Variants in BCAS3 observed in about 807,000 individuals in gnomAD.
The protein encoded by BCAS3 is BCAS4/BCAS3 fusion.
BCAS3 carries 53 observed loss-of-function variants against 116.1 expected under a neutral mutation model. That is an observed-to-expected ratio of 0.46 (90% CI 0.37 to 0.57). The LOEUF is 0.57. BCAS3 is among the 20% of genes least tolerant of loss of function. The pLI is 0.00. For missense variants in BCAS3, 917 were observed against 1,165.4 expected (o/e 0.79, Z 3.10); for synonymous variants, 391 against 408.2 (o/e 0.96, Z 0.51).
At chr17:60,689,604 G>T in intron 3 of BCAS3, 82 bp from the exon 4 acceptor site, 1 of 1,012,192 alleles carries the variant, frequency 9.9e-7, no homozygotes, top group Non-Finnish European at 1.5e-6. Context: ...TATAGTGTTG[G>T]CTTTAAGTCA....
Position 61,204,391 on chromosome 17 carries a change from T to C in BCAS3, c.2425+119827T>C, listed in dbSNP as rs1220987202. Among the ~76,000 whole-genome samples the C allele has an allele frequency of 6.6e-6, 1 of 152,248 alleles. No individual in the cohort carries two copies. The highest frequency in any genetic ancestry group is 1.9e-4 in the East Asian group (1 of 5,194). Reference sequence around the variant, plus strand: ...CGGGACCTTTACATTTAGTTCACTATTTTTTGAAAATAATATTCTATGTTT... The same window carrying C: ...CGGGACCTTTACATTTAGTTCACTACTTTTTGAAAATAATATTCTATGTTT... On this transcript the variant is annotated intron_variant, in intron 22 of 23. Coordinates refer to ENST00000407086, the MANE Select transcript of BCAS3 (RefSeq NM_017679.5). This position sits in a 1 kb window ranked among gnomAD's most constrained non-coding sequence, Gnocchi z 4.2.
At chr17:60,682,363 G>T (rs1326671098) in intron 2 of BCAS3, among the ~76,000 whole-genome samples, 2 of 152,130 alleles carry the variant, frequency 1.3e-5, no homozygotes, top group East Asian at 1.9e-4. Flanking sequence ...AAAAAATGAG[G>T]TTGGAGAGGT....
At chr17:60,740,619 A>G (rs1489779692) in intron 5 of BCAS3, among the ~76,000 whole-genome samples, 1 of 152,052 alleles carries the variant, frequency 6.6e-6, no homozygotes, top group East Asian at 1.9e-4. Flanking sequence ...AAACCATTCT[A>G]CAGTCCTGTG....
At chr17:61,060,821 A>G (rs917023120) in intron 19 of BCAS3, among the ~76,000 whole-genome samples, 7 of 152,200 alleles carry the variant, frequency 4.6e-5, no homozygotes, top group Non-Finnish European at 1.0e-4. Flanking sequence ...TCTTCACTAT[A>G]CATCTGATTA....
chr17:61,211,999 A>G lies in BCAS3; in HGVS notation c.2425+127435A>G, dbSNP rs2081486856. Among the ~76,000 whole-genome samples, 1 of 152,236 alleles carries G rather than the reference A, an allele frequency of 6.6e-6. No individual in the cohort carries two copies. Among genetic ancestry groups the G allele is most frequent in the Non-Finnish European group, 1.5e-5 (1 of 68,034 alleles). On this transcript the variant is annotated intron_variant, in intron 22 of 23. Transcript: ENST00000407086. This position sits in a 1 kb window ranked among gnomAD's most constrained non-coding sequence, Gnocchi z 4.4. Reference sequence around the variant, plus strand: ...GTCTGAATATTTTGTAAGGATGTGAAGAGTTGCAAATAATCTTTTCTGTAA... The same window carrying G: ...GTCTGAATATTTTGTAAGGATGTGAGGAGTTGCAAATAATCTTTTCTGTAA...
At chr17:60,851,904 C>CT (rs754839642) in intron 7 of BCAS3, among the ~76,000 whole-genome samples, 6 of 151,824 alleles carry the variant, frequency 4.0e-5, no homozygotes, top group Admixed American at 2.0e-4. Flanking sequence ...AGTGTAAATG[C>CT]TTTTTTTTAA....
chr17:61,296,216 A>G (rs1026418981), intron 22 of BCAS3, among the ~76,000 whole-genome samples: 1 of 152,204 alleles, frequency 6.6e-6, no homozygotes, highest in Non-Finnish European at 1.5e-5. Context: ...CAGGTTAAAC[A>G]GGCTTTACCC....
intron 16 of BCAS3, chr17:61,027,441 C>T (rs1012775607): frequency 4.6e-6 from 2 of 430,932 alleles, no homozygotes; most frequent in Non-Finnish European, 9.2e-6. Context: ...ATAAAACCTC[C>T]TAAATAATTT....
At chr17:61,260,189 T>C (rs2049081779) in intron 22 of BCAS3, among the ~76,000 whole-genome samples, 1 of 152,238 alleles carries the variant, frequency 6.6e-6, no homozygotes. Flanking sequence ...CTGAAATCAC[T>C]GTGGTATTTC....
At position 61,286,660 on chromosome 17, in the gene BCAS3, G is replaced by A. The variant is rs1217979357; in HGVS notation, c.2426-81667G>A. On this transcript the variant is annotated intron_variant, in intron 22 of 23. Coordinates refer to ENST00000407086, the MANE Select transcript of BCAS3 (RefSeq NM_017679.5). This position sits in a 1 kb window ranked among gnomAD's most constrained non-coding sequence, Gnocchi z 4.8. ...CTAAGTTAAATACTCGCTTTACACC[G>A]TTGTGAAGGCAGCTCCCAGGGCAGC... Among the ~76,000 whole-genome samples, 1 of 152,256 alleles carries A rather than the reference G, an allele frequency of 6.6e-6. No individual in the cohort carries two copies. Among genetic ancestry groups the A allele is most frequent in the East Asian group, 1.9e-4 (1 of 5,192 alleles).
At position 61,364,552 on chromosome 17, in the gene BCAS3, C is replaced by CA. The variant is rs536459489; in HGVS notation, c.2426-3769dup. Among the ~76,000 whole-genome samples the CA allele has an allele frequency of 1.3e-5, 2 of 152,046 alleles. No individual in the cohort carries two copies. The highest frequency in any genetic ancestry group is 2.9e-5 in the Non-Finnish European group (2 of 67,996). On this transcript the variant is annotated intron_variant, in intron 22 of 23. Transcript: ENST00000407086. The surrounding 1 kb of genome is among the most constrained non-coding windows in gnomAD (Gnocchi z 5.4). ...GCAACATGGTGAAACCCCATCTTGA[C>CA]AAAAAATTAGCTGGGCATGGTGGTG...
chr17:61,078,483 C>T lies in BCAS3; in HGVS notation c.2281C>T (p.Pro761Ser). ...QSHGPSDTPQ[P>S]LLDFDTDDLD... ...TCATGGTCCGAGTGACACGCCACAG[C>T]CTCTTTTGGATTTTGATACAGATGA... Residue 761 changes from proline to serine, a missense_variant, in exon 21 of 24, where the codon CCT (proline) becomes TCT (serine). Physicochemically the swap from Pro to Ser is moderately conservative, Grantham distance 74. This residue lies in a region of BCAS3 where 807 missense variants were observed against 1,026.0 expected (regional missense o/e 0.79). Coordinates refer to ENST00000407086, the MANE Select transcript of BCAS3 (RefSeq NM_017679.5). 6.2e-7 allele frequency: 1 copy of T among 1,614,136 alleles called. No homozygotes were observed. Among genetic ancestry groups the T allele is most frequent in the South Asian group, 1.1e-5 (1 of 91,080 alleles).
chr17:60,821,328 T>TCATA (rs113139051), intron 7 of BCAS3, among the ~76,000 whole-genome samples: 13 of 151,684 alleles, frequency 8.6e-5, no homozygotes, highest in South Asian at 4.2e-4. Flanking sequence ...GTGTGTGAGG[T>TCATA]CATACATACA....
At chr17:60,796,810 A>G (rs568686818) in intron 6 of BCAS3, among the ~76,000 whole-genome samples, 1 of 152,018 alleles carries the variant, frequency 6.6e-6, no homozygotes, top group Admixed American at 6.5e-5. Context: ...TTAGAATGTC[A>G]GTTTGTGCTC....
At chr17:60,913,541 A>G (rs1173479952) in intron 12 of BCAS3, among the ~76,000 whole-genome samples, 1 of 152,138 alleles carries the variant, frequency 6.6e-6, no homozygotes, top group African/African-American at 2.4e-5. Context: ...TTTTTAGATT[A>G]TGCTGGATTG....
chr17:61,236,840 G>A (rs1325242080), intron 22 of BCAS3, among the ~76,000 whole-genome samples: 1 of 152,022 alleles, frequency 6.6e-6, no homozygotes, highest in Non-Finnish European at 1.5e-5. Context: ...ATCTTTAAAT[G>A]TGGCTCTAAA....
intron 23 of BCAS3, among the ~76,000 whole-genome samples, chr17:61,375,127 G>C (rs537798921): frequency 2.6e-5 from 4 of 152,188 alleles, no homozygotes; most frequent in African/African-American, 7.2e-5. Flanking sequence ...ACATTAGGCA[G>C]TTTTTAAGTG....
At chr17:60,870,099 A>C (rs1383971541) in intron 8 of BCAS3, among the ~76,000 whole-genome samples, 1 of 152,216 alleles carries the variant, frequency 6.6e-6, no homozygotes, top group East Asian at 1.9e-4. Context: ...GGTCCCCCAC[A>C]GATAAATGTA....
At chr17:60,904,114 A>G (rs1599576978) in intron 11 of BCAS3, among the ~76,000 whole-genome samples, 2 of 152,314 alleles carry the variant, frequency 1.3e-5, no homozygotes, top group South Asian at 4.1e-4. Flanking sequence ...TGTTTTAAAA[A>G]TAAGTGCAGG....
Sources: allele counts gnomAD v4.1 joint callset (sites outside exome capture counted in the v4.1 genomes callset), GRCh38; gene constraint gnomAD v4.1.1; regional missense constraint gnomAD v4.1.1; non-coding constraint Gnocchi (gnomAD v3.1); transcripts MANE v1.5; gene names NCBI Gene and HGNC (gene_info 2026-07-23, HGNC 2026-07-21).